Variants in KIAA1958 observed in about 807,000 individuals in gnomAD.
KIAA1958 encodes uncharacterized protein KIAA1958.
In KIAA1958, 14 loss-of-function variants were observed where a neutral mutation model predicts 47.2. That is an observed-to-expected ratio of 0.30 (90% CI 0.20 to 0.46). The LOEUF (loss-of-function observed/expected upper bound fraction) is 0.46. Ranked by LOEUF, KIAA1958 falls within the 20% of genes least tolerant of loss-of-function variation. KIAA1958 has a pLI of 1.00. For missense variants in KIAA1958, 803 were observed against 909.2 expected (o/e 0.88, Z 1.50); for synonymous variants, 354 against 353.3 (o/e 1.00, Z -0.02).
intron 1 of KIAA1958, among the ~76,000 whole-genome samples, chr9:112,552,782 C>T (rs1835173819): frequency 6.6e-6 from 1 of 152,140 alleles, no homozygotes; most frequent in African/African-American, 2.4e-5. Flanking sequence ...GATATCCATT[C>T]ATGATCATCT....
chr9:112,502,348 C>A (rs997690474), intron 1 of KIAA1958, among the ~76,000 whole-genome samples: 7 of 87,282 alleles, frequency 8.0e-5, no homozygotes, highest in Admixed American at 6.7e-4. Context: ...AATATCCTGA[C>A]AGATTGCTGA....
At chr9:112,635,985 TTTTCTG>T (rs1048867458) in intron 2 of KIAA1958, among the ~76,000 whole-genome samples, 1 of 151,646 alleles carries the variant, frequency 6.6e-6, no homozygotes. Flanking sequence ...AATCGTATTA[TTTTCTG>T]TTTAGGCAAT....
intron 2 of KIAA1958, among the ~76,000 whole-genome samples, chr9:112,606,274 CT>C (rs375656246): frequency 2.0e-5 from 3 of 152,042 alleles, no homozygotes; most frequent in African/African-American, 7.2e-5. Flanking sequence ...GTTGATTAGG[CT>C]TTTGGGTACA....
At chr9:112,621,390 T>C (rs1428362239) in intron 2 of KIAA1958, among the ~76,000 whole-genome samples, 1 of 152,268 alleles carries the variant, frequency 6.6e-6, no homozygotes, top group African/African-American at 2.4e-5. Context: ...TAAAATGTTA[T>C]GGTGCATTTA....
At chr9:112,492,021 A>G (rs776660194) in intron 1 of KIAA1958, among the ~76,000 whole-genome samples, 7 of 152,158 alleles carry the variant, frequency 4.6e-5, no homozygotes, top group African/African-American at 9.7e-5. Flanking sequence ...CAAAAGCTCT[A>G]TCCTTTTTTC....
At chr9:112,602,244 C>A (rs1004247153) in intron 2 of KIAA1958, among the ~76,000 whole-genome samples, 1 of 152,088 alleles carries the variant, frequency 6.6e-6, no homozygotes, top group African/African-American at 2.4e-5. Context: ...CAAAAGATTG[C>A]AGGTATTAGG....
chr9:112,503,391 C>T (rs895775497), intron 1 of KIAA1958, among the ~76,000 whole-genome samples: 2 of 152,056 alleles, frequency 1.3e-5, no homozygotes, highest in African/African-American at 4.8e-5. Context: ...CGGTGGCTCA[C>T]TCCTTTAATC....
At chr9:112,563,083 C>CTATATATATA (rs763563196) in intron 1 of KIAA1958, among the ~76,000 whole-genome samples, 99 of 63,324 alleles carry the variant, frequency 1.6e-3, no homozygotes, top group Middle Eastern at 9.4e-3. Flanking sequence ...CTCTCTCTCT[C>CTATATATATA]TCTATATATA....
At chr9:112,628,365 C>T (rs1407421673) in intron 2 of KIAA1958, among the ~76,000 whole-genome samples, 1 of 152,244 alleles carries the variant, frequency 6.6e-6, no homozygotes, top group Non-Finnish European at 1.5e-5. Context: ...GTCCCCACCA[C>T]CTCTTTGCTT....
chr9:112,638,507 A>C (rs1836844012), intron 2 of KIAA1958, among the ~76,000 whole-genome samples: 1 of 152,154 alleles, frequency 6.6e-6, no homozygotes, highest in Non-Finnish European at 1.5e-5. Context: ...TATCTCTAAA[A>C]AAAAAAGAAA....
At position 112,618,115 on chromosome 9, in the gene KIAA1958, C is replaced by T. The variant is rs1184226085; in HGVS notation, c.1172-27535C>T. 16 of 1,550,262 alleles carry T rather than the reference C, an allele frequency of 1.0e-5. No homozygotes were observed. The highest frequency in any genetic ancestry group is 1.4e-5 in the African/African-American group (1 of 72,940). On this transcript the variant is annotated intron_variant, in intron 2 of 3. Coordinates refer to ENST00000337530, the MANE Select transcript of KIAA1958 (RefSeq NM_133465.4). This position sits in a 1 kb window ranked among gnomAD's most constrained non-coding sequence, Gnocchi z 7.1. ...GCTTGGCCAATTACCAGTGTGGGCT[C>T]GAAAGGTACCTGAAAGAACACAGGT...
chr9:112,609,607 A>C (rs1286179025), intron 2 of KIAA1958, among the ~76,000 whole-genome samples: 1 of 152,176 alleles, frequency 6.6e-6, no homozygotes, highest in Non-Finnish European at 1.5e-5. Flanking sequence ...GCTGGAGTGC[A>C]GTGGCATGAT....
intron 1 of KIAA1958, among the ~76,000 whole-genome samples, chr9:112,496,444 G>A (rs1392415114): frequency 6.6e-6 from 1 of 152,210 alleles, no homozygotes; most frequent in Non-Finnish European, 1.5e-5. Context: ...GAAAGTAGAG[G>A]CTTCTGGGCT....
Position 112,574,327 on chromosome 9 carries a change from G to C in KIAA1958, c.247G>C (p.Asp83His). 1 of 1,614,138 alleles carries C rather than the reference G, an allele frequency of 6.2e-7. No individual in the cohort carries two copies. Among genetic ancestry groups the C allele is most frequent in the Non-Finnish European group, 8.5e-7 (1 of 1,180,016 alleles). Reference sequence around the variant, plus strand: ...CCAGGATAACAGAAGTTTTAACTCTGATAGTCCCAGTATAATCGGGGTGCC... The same window carrying C: ...CCAGGATAACAGAAGTTTTAACTCTCATAGTCCCAGTATAATCGGGGTGCC... ...CFQDNRSFNS[D>H]SPSIIGVPSE... The change falls in exon 2 of 4, where the codon GAT becomes CAT. Residue 83 changes from aspartate to histidine, a missense_variant. Physicochemically the swap from Asp to His is moderately conservative, Grantham distance 81 (BLOSUM62 -1). This residue lies in a region of KIAA1958 where 761 missense variants were observed against 829.3 expected (regional missense o/e 0.92). Coordinates refer to ENST00000337530, the MANE Select transcript of KIAA1958 (RefSeq NM_133465.4).
rs771478689 is a variant in KIAA1958, at chr9:112,618,646, G to T, written c.1172-27004G>T. Reference sequence around the variant, plus strand: ...CCATCAAGCCAGTCGTGAACCTGGCGGCTCTGCATTGGTACAACTGCCAGG... The same window carrying T: ...CCATCAAGCCAGTCGTGAACCTGGCTGCTCTGCATTGGTACAACTGCCAGG... On this transcript the variant is annotated intron_variant, in intron 2 of 3. Coordinates refer to ENST00000337530, the MANE Select transcript of KIAA1958 (RefSeq NM_133465.4). This position sits in a 1 kb window ranked among gnomAD's most constrained non-coding sequence, Gnocchi z 7.1. The T allele has an allele frequency of 1.9e-6, 3 of 1,550,714 alleles. No homozygotes were observed. Among genetic ancestry groups the T allele is most frequent in the Non-Finnish European group, 2.6e-6 (3 of 1,147,018 alleles).
intron 2 of KIAA1958, among the ~76,000 whole-genome samples, chr9:112,643,856 A>T (rs1836932799): frequency 6.6e-6 from 1 of 152,150 alleles, no homozygotes; most frequent in Non-Finnish European, 1.5e-5. Flanking sequence ...TCGAATTGAA[A>T]AAAAAGACGG....
At chr9:112,560,307 C>G (rs7030003) in intron 1 of KIAA1958, among the ~76,000 whole-genome samples, 1 of 149,362 alleles carries the variant, frequency 6.7e-6, no homozygotes, top group African/African-American at 2.5e-5. Flanking sequence ...CATAAGCAGT[C>G]GTCCTCCCTC....
chr9:112,596,800 C>A (rs1344896293), intron 2 of KIAA1958, among the ~76,000 whole-genome samples: 1 of 152,046 alleles, frequency 6.6e-6, no homozygotes, highest in Non-Finnish European at 1.5e-5. Context: ...GCTTTATGTG[C>A]CATACATCTT....
chr9:112,629,074 C>G (rs1836666850), intron 2 of KIAA1958, among the ~76,000 whole-genome samples: 1 of 152,098 alleles, frequency 6.6e-6, no homozygotes, highest in Non-Finnish European at 1.5e-5. Flanking sequence ...GTCTTCCATC[C>G]TTCTTATAAA....
Sources: allele counts gnomAD v4.1 joint callset (sites outside exome capture counted in the v4.1 genomes callset), GRCh38; gene constraint gnomAD v4.1.1; regional missense constraint gnomAD v4.1.1; non-coding constraint Gnocchi (gnomAD v3.1); transcripts MANE v1.5; gene names NCBI Gene and HGNC (gene_info 2026-07-23, HGNC 2026-07-21).